PDE4D: variants seen among roughly 807,000 people sequenced by gnomAD.
PDE4D encodes the protein 3',5'-cyclic-AMP phosphodiesterase 4D.
A neutral mutation model predicts 87.4 loss-of-function variants in PDE4D; 24 were observed. That is an observed-to-expected ratio of 0.27 (90% CI 0.20 to 0.39). The LOEUF (loss-of-function observed/expected upper bound fraction) is 0.39. Ranked by LOEUF, PDE4D falls within the 10% of genes least tolerant of loss-of-function variation. PDE4D has a pLI of 1.00. For missense variants in PDE4D, 714 were observed against 1,041.0 expected (o/e 0.69, Z 4.32); for synonymous variants, 384 against 383.2 (o/e 1.00, Z -0.02).
At chr5:59,102,612 T>C (rs1770947315) in intron 5 of PDE4D, among the ~76,000 whole-genome samples, 1 of 152,148 alleles carries the variant, frequency 6.6e-6, no homozygotes, top group Non-Finnish European at 1.5e-5. Context: ...CGGTAACCCT[T>C]CAAAGGGGAA....
rs757983333 is a variant in PDE4D at position 58,975,042 on chromosome 5, C to T, written c.2052G>A (p.Glu684=). The change falls in exon 15 of 15, where the codon GAG becomes GAA. Residue 684 remains glutamate (E), a synonymous_variant. Coordinates refer to ENST00000340635, the MANE Select transcript of PDE4D (RefSeq NM_001104631.2). This position sits in a 1 kb window ranked among gnomAD's most constrained non-coding sequence, Gnocchi z 4.2. The part of the protein sequence containing the change: ...FIDYIVHPLW[E]TWADLVHPDA... Reference sequence around the variant, plus strand: ...CAGGGTGGACGAGGTCTGCCCATGTCTCCCAGAGGGGATGAACAATATAGT... The same window carrying T: ...CAGGGTGGACGAGGTCTGCCCATGTTTCCCAGAGGGGATGAACAATATAGT... 6.3e-7 allele frequency: 1 copy of T among 1,581,668 alleles called. No individual in the cohort carries two copies. The highest frequency in any genetic ancestry group is 1.7e-5 in the Admixed American group (1 of 57,282).
At chr5:59,932,292 G>A (rs1435703427) in intron 3 of PDE4D, among the ~76,000 whole-genome samples, 2 of 152,146 alleles carry the variant, frequency 1.3e-5, no homozygotes, top group African/African-American at 4.8e-5. Flanking sequence ...AAATAAACAT[G>A]TTATGGTCAC....
chr5:59,698,582 C>T (rs1752130736), intron 1 of PDE4D, among the ~76,000 whole-genome samples: 1 of 152,110 alleles, frequency 6.6e-6, no homozygotes, highest in Non-Finnish European at 1.5e-5. Flanking sequence ...AAAAGAATGA[C>T]AGCCCACACA....
intron 2 of PDE4D, among the ~76,000 whole-genome samples, chr5:60,155,375 G>A (rs1781878339): frequency 6.6e-6 from 1 of 151,988 alleles, no homozygotes. Flanking sequence ...TTGACTATTT[G>A]GATTTCTTCT....
chr5:59,057,889 AGTAGG>A (rs1487379210), intron 5 of PDE4D, among the ~76,000 whole-genome samples: 1 of 152,206 alleles, frequency 6.6e-6, no homozygotes, highest in East Asian at 1.9e-4. Context: ...ATCTAGCATT[AGTAGG>A]GGACTGGGAA....
At chr5:59,385,862 C>T (rs1786872615) in intron 1 of PDE4D, among the ~76,000 whole-genome samples, 1 of 152,126 alleles carries the variant, frequency 6.6e-6, no homozygotes, top group Admixed American at 6.5e-5. Context: ...CTATCTATCT[C>T]GGAGTATCTC....
At chr5:60,414,770 A>G (rs990731875) in intron 1 of PDE4D, among the ~76,000 whole-genome samples, 1 of 152,200 alleles carries the variant, frequency 6.6e-6, no homozygotes, top group African/African-American at 2.4e-5. Flanking sequence ...ATGTAAACCT[A>G]CTTGTAATGG....
intron 4 of PDE4D, 139 bp downstream of exon 4, chr5:59,185,050 G>T: frequency 1.7e-6 from 1 of 580,332 alleles, no homozygotes; most frequent in East Asian, 2.9e-5. Flanking sequence ...AAAATTAACA[G>T]GACATCATAT....
intron 1 of PDE4D, among the ~76,000 whole-genome samples, chr5:60,440,514 C>T (rs401207): frequency 0.35 from 52,866 of 151,746 alleles, 9,867 homozygotes; most frequent in East Asian, 0.58. Flanking sequence ...GGTGAAGGAT[C>T]GTGGAGGAAG....
chr5:59,596,058 G>A (rs1427617951), intron 1 of PDE4D, among the ~76,000 whole-genome samples: 8 of 151,162 alleles, frequency 5.3e-5, no homozygotes, highest in African/African-American at 1.9e-4. Context: ...TTAATAGGAA[G>A]CTGGAAGAGG....
intron 1 of PDE4D, among the ~76,000 whole-genome samples, chr5:60,423,888 A>G (rs1743378587): frequency 6.6e-6 from 1 of 152,236 alleles, no homozygotes; most frequent in African/African-American, 2.4e-5. Flanking sequence ...ACAAACTACC[A>G]TCAGAGAATA....
rs550286067 is a variant in PDE4D at position 60,060,175 on chromosome 5, C to T, written c.43-71458G>A. On this transcript the variant is annotated intron_variant, in intron 2 of 16. Coordinates refer to the PDE4D transcript ENST00000502484. Reference sequence around the variant, plus strand: ...TGATTTCCATCACAAAGTTCTCTCTCTCTTGCTCTATGTTTCTCCATCCCC... The same window carrying T: ...TGATTTCCATCACAAAGTTCTCTCTTTCTTGCTCTATGTTTCTCCATCCCC... 4.6e-5 allele frequency among the ~76,000 whole-genome samples: 7 copies of T among 152,104 alleles called. No individual in the cohort carries two copies. The South Asian group carries it at 1.5e-3, about 32-fold the overall frequency.
intron 2 of PDE4D, among the ~76,000 whole-genome samples, chr5:60,037,595 A>G (rs937744936): frequency 2.0e-5 from 3 of 152,190 alleles, no homozygotes; most frequent in Middle Eastern, 3.2e-3. Context: ...CAAGAGGGAG[A>G]GTGATCTCTG....
chr5:59,151,191 A>G (rs895403029), intron 5 of PDE4D, among the ~76,000 whole-genome samples: 1 of 152,156 alleles, frequency 6.6e-6, no homozygotes, highest in Non-Finnish European at 1.5e-5. Flanking sequence ...GTGAATTACT[A>G]TGTAAAGAAA....
chr5:59,986,845 T>G (rs917468311), intron 3 of PDE4D: 5 of 152,202 alleles, frequency 3.3e-5, no homozygotes, highest in Admixed American at 3.3e-4. Flanking sequence ...TGGCCTCCAG[T>G]AAAAACTCTA....
intron 1 of PDE4D, among the ~76,000 whole-genome samples, chr5:59,860,157 A>G (rs1746043757): frequency 6.6e-6 from 1 of 152,212 alleles, no homozygotes. Flanking sequence ...TTCCTAAAAA[A>G]TAATGGCTCT....
intron 5 of PDE4D, among the ~76,000 whole-genome samples, chr5:59,053,767 C>T (rs1226765292): frequency 1.4e-5 from 2 of 148,062 alleles, no homozygotes; most frequent in Non-Finnish European, 3.0e-5. Flanking sequence ...ACCAGCCTGG[C>T]CATCAAAGCA....
intron 1 of PDE4D, among the ~76,000 whole-genome samples, chr5:59,264,323 CAATGCAG>C (rs1260683971): frequency 6.6e-6 from 1 of 152,014 alleles, no homozygotes; most frequent in Non-Finnish European, 1.5e-5. Flanking sequence ...TGGTTTTAAA[CAATGCAG>C]ACTGTCTAAT....
At position 60,365,097 on chromosome 5, in the gene PDE4D, G is replaced by A. The variant is rs149679956; in HGVS notation, c.-90+122845C>T. On this transcript the variant is annotated intron_variant, in intron 1 of 16. Transcript: ENST00000502484. The stretch of plus-strand genomic sequence containing the variant: ...TCTCCTTTAAAACTCATTAAAAGTA[G>A]AGAAGCTTCCCACTCAACTTTAAAA... 5.7e-3 allele frequency among the ~76,000 whole-genome samples: 865 copies of A among 152,260 alleles called. 8 individuals carry two copies. The highest frequency in any genetic ancestry group is 0.02 in the African/African-American group (844 of 41,562).
Sources: allele counts gnomAD v4.1 joint callset (sites outside exome capture counted in the v4.1 genomes callset), GRCh38; gene constraint gnomAD v4.1.1; non-coding constraint Gnocchi (gnomAD v3.1); transcripts MANE v1.5; gene names NCBI Gene and HGNC (gene_info 2026-07-23, HGNC 2026-07-21).